ARL13A: variants seen among roughly 807,000 people sequenced by gnomAD.
The protein encoded by ARL13A is ARF like GTPase 13A, also known as ADP-ribosylation factor-like protein 13A.
A neutral mutation model predicts 19.1 loss-of-function variants in ARL13A; 16 were observed. The ratio of observed to expected loss-of-function variants is 0.84; its 90% CI spans 0.57 to 1.27. The LOEUF is 1.27. Ranked by LOEUF, ARL13A falls within the 50% of genes most tolerant of loss-of-function variation. ARL13A has a pLI of 0.00. For missense variants in ARL13A, 153 were observed against 186.4 expected, an observed-to-expected ratio of 0.82 and a Z score of 1.04; for synonymous variants, 69 against 71.3, an observed-to-expected ratio of 0.97 and a Z score of 0.17.
chrX:100,990,489 C>G, intron 7 of ARL13A, 73 bp from the exon 8 acceptor site: 3 of 1,046,285 alleles, frequency 2.9e-6, no homozygotes, highest in Non-Finnish European at 3.7e-6. Context: ...TTTCTACACT[C>G]CCCATACAAC....
rs1271712155 is a variant in ARL13A at position 100,985,992 on chromosome X, G to A, written c.380+76G>A. ...AAAGTATAGAAATGAAGGGTGGGGTGGTCCCTTTGTCACACCCAGCTAGGC... is the reference window on the plus strand; with the variant it reads ...AAAGTATAGAAATGAAGGGTGGGGTAGTCCCTTTGTCACACCCAGCTAGGC... On this transcript the variant is annotated intron_variant, in intron 4 of 7. Coordinates refer to ENST00000450049, the MANE Select transcript of ARL13A (RefSeq NM_001162491.2). The A allele has an allele frequency of 9.1e-6, 10 of 1,100,692 alleles. No individual in the cohort carries two copies. In the Admixed American group the frequency reaches 1.7e-4, roughly 18 times the overall value. The allele number at this position is 1,100,692 out of a possible 1,213,427, so 90.7% of individuals were successfully genotyped here.
At chrX:100,981,274 C>T (rs1326439152) in intron 3 of ARL13A, among the ~76,000 whole-genome samples, 1 of 112,135 alleles carries the variant, frequency 8.9e-6, no homozygotes, top group East Asian at 2.8e-4. Context: ...TTCCCTCTGG[C>T]TAGGGCTGGT....
At chrX:100,982,383 G>A (rs1180578743) in intron 3 of ARL13A, among the ~76,000 whole-genome samples, 7 of 110,540 alleles carry the variant, frequency 6.3e-5, no homozygotes, top group African/African-American at 1.3e-4. Flanking sequence ...TCTCAGCTAC[G>A]CAGCAGGCTG....
At chrX:100,980,502 C>A (rs2085836977) in intron 3 of ARL13A, among the ~76,000 whole-genome samples, 1 of 109,418 alleles carries the variant, frequency 9.1e-6, no homozygotes, top group Non-Finnish European at 1.9e-5. Context: ...TCCTTTCTGG[C>A]CCAAGATGAG....
chrX:100,981,558 C>G (rs2085855573), intron 3 of ARL13A, among the ~76,000 whole-genome samples: 1 of 107,648 alleles, frequency 9.3e-6, no homozygotes, highest in South Asian at 4.2e-4. Context: ...AATCCCAGCA[C>G]TTTGAGAGGC....
At chrX:100,979,632 G>A (rs1478064430) in intron 3 of ARL13A, among the ~76,000 whole-genome samples, 1 of 111,532 alleles carries the variant, frequency 9.0e-6, no homozygotes, top group Non-Finnish European at 1.9e-5. Flanking sequence ...TTTTAGTGAG[G>A]TCATTTTTCC....
chrX:100,977,444 G>A (rs751470924), intron 3 of ARL13A, among the ~76,000 whole-genome samples: 34 of 95,346 alleles, frequency 3.6e-4, no homozygotes, highest in South Asian at 1.1e-3. Context: ...GCAGTGGCAC[G>A]ATCTCGGCTC....
At position 100,987,586 on chromosome X, in the gene ARL13A, A is replaced by G. The variant is rs751400771; in HGVS notation, c.653+30A>G. On this transcript the variant is annotated intron_variant, in intron 6 of 7. Coordinates refer to ENST00000450049, the MANE Select transcript of ARL13A (RefSeq NM_001162491.2). The stretch of plus-strand genomic sequence containing the variant: ...TGAGATGCCGCTATGAGATTTGCTG[A>G]TAAGAAAAGCTGCAGGGATCAGTCT... 40 of 1,198,673 alleles carry G rather than the reference A, an allele frequency of 3.3e-5. No individual in the cohort carries two copies. In the South Asian group the frequency reaches 6.3e-4, roughly 19 times the overall value.
Position 100,988,056 on chromosome X carries a change from G to T in ARL13A, c.654-137G>T, listed in dbSNP as rs1003652670. 5.3e-5 allele frequency: 25 copies of T among 472,537 alleles called. No individual in the cohort carries two copies. In the African/African-American group the frequency reaches 5.4e-4, roughly 10 times the overall value. 38.9% of individuals were successfully genotyped at this position (472,537 alleles called of 1,213,427 possible). ...TGATCAGAGTTTTGAGGAGCAAAAG[G>T]CCTAAACATCCTCTTGCTCTGTTGT... On this transcript the variant is annotated intron_variant, in intron 6 of 7. Transcript: ENST00000450049.
intron 3 of ARL13A, among the ~76,000 whole-genome samples, chrX:100,977,588 C>T (rs2085788011): frequency 9.1e-6 from 1 of 110,352 alleles, no homozygotes; most frequent in Non-Finnish European, 1.9e-5. Context: ...ACCATGTTGG[C>T]CAGGCTGGTC....
chrX:100,982,587 AC>A (rs779825628), intron 3 of ARL13A, among the ~76,000 whole-genome samples: 1 of 108,318 alleles, frequency 9.2e-6, no homozygotes, highest in African/African-American at 3.4e-5. Context: ...TTTCAAACCT[AC>A]TGACGGGACC....
At chrX:100,976,510 G>A (rs968817527) in intron 3 of ARL13A, among the ~76,000 whole-genome samples, 5 of 111,715 alleles carry the variant, frequency 4.5e-5, no homozygotes, top group African/African-American at 1.6e-4. Context: ...GGCCACCTCT[G>A]TCTACGCAGG....
At chrX:100,970,881 T>C (rs970769886) in intron 1 of ARL13A, among the ~76,000 whole-genome samples, 28 of 112,167 alleles carry the variant, frequency 2.5e-4, no homozygotes, top group African/African-American at 8.1e-4. Context: ...GAATGTAAGA[T>C]GTTGTAGCCA....
chrX:100,974,226 C>T (rs761453207), intron 3 of ARL13A, 29 bp downstream of exon 3: 9 of 1,076,379 alleles, frequency 8.4e-6, no homozygotes, highest in Middle Eastern at 2.4e-4. Context: ...TAGATACTGG[C>T]GTGGGTCTCC....
chrX:100,990,640 TAA>T lies in ARL13A; in HGVS notation c.*57_*58del. 9.2e-7 allele frequency: 1 copy of T among 1,086,351 alleles called. No individual in the cohort carries two copies. The highest frequency in any genetic ancestry group is 2.6e-5 in the Admixed American group (1 of 38,168). The allele number at this position is 1,086,351 out of a possible 1,213,427, so 89.5% of individuals were successfully genotyped here. On this transcript the variant is annotated 3_prime_UTR_variant, in exon 8 of 8. Transcript: ENST00000450049. ...CCATTGAGAATGAAGACCACCTTGG[TAA>T]AAAAGAACAGAGACTTTACATCTTT...
chrX:100,977,800 A>G (rs1358135023), intron 3 of ARL13A, among the ~76,000 whole-genome samples: 1 of 112,342 alleles, frequency 8.9e-6, no homozygotes. Flanking sequence ...AACATAATGT[A>G]CTTGTTCTGC....
At chrX:100,983,993 A>G (rs2085898942) in intron 3 of ARL13A, among the ~76,000 whole-genome samples, 1 of 111,988 alleles carries the variant, frequency 8.9e-6, no homozygotes, top group African/African-American at 3.2e-5. Context: ...ATGGGTGCAG[A>G]GAATGTATAA....
chrX:100,990,577 T>C lies in ARL13A; in HGVS notation c.760T>C (p.Tyr254His). ...TATATTCTAGCCATCAAATCAATCC[T>C]ATACTCACTGAGAGGCTCAAGAAGA... ...KSILQPSNQS[Y>H]TH The change falls in exon 8 of 8, where the codon TAT becomes CAT. Residue 254 changes from tyrosine (Y) to histidine (H), a missense_variant. Tyr to His is a moderately conservative substitution (Grantham distance 83, BLOSUM62 2). Transcript: ENST00000450049. 1.7e-6 allele frequency: 2 copies of C among 1,159,607 alleles called. No individual in the cohort carries two copies. Among genetic ancestry groups the C allele is most frequent in the Non-Finnish European group, 2.3e-6 (2 of 868,546 alleles).
intron 3 of ARL13A, among the ~76,000 whole-genome samples, chrX:100,976,515 C>G (rs1040250880): frequency 2.7e-5 from 3 of 111,812 alleles, no homozygotes; most frequent in Non-Finnish European, 5.6e-5. Flanking sequence ...CCTCTGTCTA[C>G]GCAGGACCAT....
Sources: allele counts gnomAD v4.1 joint callset (sites outside exome capture counted in the v4.1 genomes callset), GRCh38; gene constraint gnomAD v4.1.1; transcripts MANE v1.5; gene names NCBI Gene and HGNC (gene_info 2026-07-23, HGNC 2026-07-21).